Variants in VARS1 observed in about 807,000 individuals in gnomAD.
The protein encoded by VARS1 is valyl-tRNA synthetase 1.
Under a neutral mutation model 161.0 loss-of-function variants are expected in VARS1, and 92 were observed. The observed-to-expected ratio is 0.57, with a 90% CI of 0.48 to 0.68. VARS1 has a LOEUF of 0.68. Among genes scored for constraint, VARS1 ranks in the 30% least tolerant of loss-of-function variants. VARS1 has a pLI of 0.00. For missense variants in VARS1, 1,338 were observed against 1,695.9 expected, an observed-to-expected ratio of 0.79 and a Z score of 3.71; for synonymous variants, 595 against 682.5, an observed-to-expected ratio of 0.87 and a Z score of 2.00.
Position 31,795,047 on chromosome 6 carries a change from C to G in VARS1, c.171G>C (p.Leu57=). 6.5e-7 allele frequency: 1 copy of G among 1,548,068 alleles called. No individual in the cohort carries two copies. Among genetic ancestry groups the G allele is most frequent in the South Asian group, 1.2e-5 (1 of 86,898 alleles). Residue 57 remains leucine (L), a synonymous_variant, in exon 2 of 30, where the codon CTG becomes CTC. Transcript: ENST00000375663. The surrounding 1 kb of genome is among the most constrained non-coding windows in gnomAD (Gnocchi z 6.9). The part of the protein sequence containing the change: ...TSRTPFPPPR[L]PALEQGPGGL... ...CACCGGGCCCCTGCTCCAGGGCCGG[C>G]AGGCGGGGTGGGGGAAAGGGAGTCC...
At position 31,780,861 on chromosome 6, in the gene VARS1, C is replaced by A. The variant is rs768326728; in HGVS notation, c.2718+9G>T. ...GTGCTCCTGCTTAGCCCAGCCCAAC[C>A]CTCCATACCTGCCCTTCTTTGGCCT... is the stretch of plus-strand genomic sequence containing the variant. On this transcript the variant is annotated intron_variant, in intron 23 of 29. Coordinates refer to ENST00000375663, the MANE Select transcript of VARS1 (RefSeq NM_006295.3). The surrounding 1 kb of genome is among the most constrained non-coding windows in gnomAD (Gnocchi z 5.1). The A allele has an allele frequency of 3.1e-6, 5 of 1,614,210 alleles. No homozygotes were observed. The highest frequency in any genetic ancestry group is 4.2e-6 in the Non-Finnish European group (5 of 1,180,028).
Position 31,792,405 on chromosome 6 carries a change from G to A in VARS1, c.773C>T (p.Pro258Leu), listed in dbSNP as rs1224589982. 1.2e-6 allele frequency: 2 copies of A among 1,613,806 alleles called. No homozygotes were observed. The highest frequency in any genetic ancestry group is 8.5e-7 in the Non-Finnish European group (1 of 1,180,000). ...QQKQKIQQQQPPPGEKKPKPE... is the reference protein window; with the variant it reads ...QQKQKIQQQQLPPGEKKPKPE... ...CCCTCGCCTCACCTCCCCTGGAGGT[G>A]GCTGCTGCTGTTGGATCTTCTGCTT... The change falls in exon 5 of 30, where the codon CCA (proline) becomes CTA (leucine). Residue 258 changes from proline (P) to leucine (L), a missense_variant. Coordinates refer to ENST00000375663, the MANE Select transcript of VARS1 (RefSeq NM_006295.3).
chr6:31,791,533 C>T lies in VARS1; in HGVS notation c.1100+77G>A, dbSNP rs1813865833. 6.6e-7 allele frequency: 1 copy of T among 1,524,930 alleles called. No homozygotes were observed. The highest frequency in any genetic ancestry group is 1.3e-5 in the South Asian group (1 of 76,766). The allele number at this position is 1,524,930 out of a possible 1,614,324, so 94.5% of individuals were successfully genotyped here. A position where few individuals can be genotyped will look rare whatever the true frequency, so the allele number is the denominator to read the frequency against. ...GAGCACCAACCCAGAAGGAGAGAGG[C>T]TCGGGGGGCTGTCAGGGAAAAGGAG... On this transcript the variant is annotated intron_variant, in intron 8 of 29. Transcript: ENST00000375663. The surrounding 1 kb of genome is among the most constrained non-coding windows in gnomAD (Gnocchi z 5.0).
intron 8 of VARS1, among the ~76,000 whole-genome samples, chr6:31,786,692 A>G (rs1010477113): frequency 6.9e-4 from 97 of 141,258 alleles, no homozygotes; most frequent in African/African-American, 2.1e-3. Flanking sequence ...AAAAAAAAAA[A>G]GAACGAAGAG....
At chr6:31,794,320 A>G (rs1201189049) in intron 2 of VARS1, among the ~76,000 whole-genome samples, 1 of 152,142 alleles carries the variant, frequency 6.6e-6, no homozygotes, top group Admixed American at 6.6e-5. Flanking sequence ...AATACCATGC[A>G]AGGAGGCAGA....
In VARS1 at chr6:31,779,842, G is replaced by A. The variant is rs750156087; in HGVS notation, c.3082-28C>T. On this transcript the variant is annotated intron_variant, in intron 26 of 29. Coordinates refer to ENST00000375663, the MANE Select transcript of VARS1 (RefSeq NM_006295.3). The surrounding 1 kb of genome is among the most constrained non-coding windows in gnomAD (Gnocchi z 9.1). Reference sequence around the variant, plus strand: ...AGGGGACGAGAGGTACAGGGCTCACGGCTGGAGGTCTAGCCTTGAGCCCTC... The same window carrying A: ...AGGGGACGAGAGGTACAGGGCTCACAGCTGGAGGTCTAGCCTTGAGCCCTC... 7.4e-6 allele frequency: 12 copies of A among 1,611,448 alleles called. No individual in the cohort carries two copies. Among genetic ancestry groups the A allele is most frequent in the East Asian group, 4.5e-5 (2 of 44,856 alleles).
Position 31,792,431 on chromosome 6 carries a change from C to T in VARS1, c.747G>A (p.Gln249=). Residue 249 remains glutamine (Q), a synonymous_variant, in exon 5 of 30, where the codon CAG becomes CAA. Transcript: ENST00000375663. ...GCTGCTGCTGTTGGATCTTCTGCTT[C>T]TGTTGGAATTTCTCTAGCTTCTCCC... ...KKREKLEKFQ[Q]KQKIQQQQPP... 1 of 1,614,010 alleles carries T rather than the reference C, an allele frequency of 6.2e-7. No individual in the cohort carries two copies. Among genetic ancestry groups the T allele is most frequent in the Non-Finnish European group, 8.5e-7 (1 of 1,180,004 alleles).
In VARS1 at chr6:31,782,995, T is replaced by C. The variant is rs2151422252; in HGVS notation, c.1762+101A>G. ...CTTGAGAACCACCCCAAGCTCTGTC[T>C]ATTTGGCTGAAGCTTATTTTCTTTT... On this transcript the variant is annotated intron_variant, in intron 14 of 29. Transcript: ENST00000375663. This position sits in a 1 kb window ranked among gnomAD's most constrained non-coding sequence, Gnocchi z 8.3. 3.9e-6 allele frequency: 6 copies of C among 1,540,678 alleles called. No individual in the cohort carries two copies. The highest frequency in any genetic ancestry group is 2.3e-5 in the East Asian group (1 of 43,226).
chr6:31,789,315 A>G (rs1278439833), intron 8 of VARS1, among the ~76,000 whole-genome samples: 1 of 152,236 alleles, frequency 6.6e-6, no homozygotes, highest in African/African-American at 2.4e-5. Flanking sequence ...AGATAGATAC[A>G]GACAATTCAC....
Position 31,782,119 on chromosome 6 carries a change from T to C in VARS1, c.2209A>G (p.Thr737Ala), listed in dbSNP as rs753982792. Reference protein sequence around the residue: ...WGHRIPAYFVTVSDPAVPPGE... With the variant: ...WGHRIPAYFVAVSDPAVPPGE... ...GGGGGCACCGCTGGGTCACTGACAGTGACAAAGTAGGCTGGGATGCGATGG... is the reference window on the plus strand; with the variant it reads ...GGGGGCACCGCTGGGTCACTGACAGCGACAAAGTAGGCTGGGATGCGATGG... Residue 737 changes from threonine (T) to alanine (A), a missense_variant, in exon 18 of 30, where the codon ACT (threonine) becomes GCT (alanine). Transcript: ENST00000375663. This position sits in a 1 kb window ranked among gnomAD's most constrained non-coding sequence, Gnocchi z 8.3. 12 of 1,613,768 alleles carry C rather than the reference T, an allele frequency of 7.4e-6. No individual in the cohort carries two copies. In the East Asian group the frequency reaches 2.5e-4, roughly 33 times the overall value.
At position 31,777,917 on chromosome 6, in the gene VARS1, C is replaced by T. The variant is rs181005754; in HGVS notation, c.3727-255G>A. 136 of 584,208 alleles carry T rather than the reference C, an allele frequency of 2.3e-4. No individual in the cohort carries two copies. Among genetic ancestry groups the T allele is most frequent in the African/African-American group, 2.3e-3 (121 of 53,696 alleles). The allele number at this position is 584,208 out of a possible 1,614,324, so 36.2% of individuals were successfully genotyped here. On this transcript the variant is annotated intron_variant, in intron 29 of 29. Coordinates refer to ENST00000375663, the MANE Select transcript of VARS1 (RefSeq NM_006295.3). The surrounding 1 kb of genome is among the most constrained non-coding windows in gnomAD (Gnocchi z 5.8). ...AAAGGAACCTCAGAGCCTACGTGTT[C>T]CCCATTCAGTGTCCCCACCTAAGCA...
At position 31,778,892 on chromosome 6, in the gene VARS1, C is replaced by A. The variant is rs190737186; in HGVS notation, c.3726+75G>T. ...GATCAATTAGTTGTCAACACCACTGCACTCGGACCAGCCCAGACCAGGGTT... is the reference window on the plus strand; with the variant it reads ...GATCAATTAGTTGTCAACACCACTGAACTCGGACCAGCCCAGACCAGGGTT... On this transcript the variant is annotated intron_variant, in intron 29 of 29. Coordinates refer to ENST00000375663, the MANE Select transcript of VARS1 (RefSeq NM_006295.3). The surrounding 1 kb of genome is among the most constrained non-coding windows in gnomAD (Gnocchi z 5.1). 46 of 1,577,486 alleles carry A rather than the reference C, an allele frequency of 2.9e-5. No homozygotes were observed. In the Admixed American group the frequency reaches 5.5e-4, roughly 19 times the overall value.
Position 31,784,328 on chromosome 6 carries a change from T to C in VARS1, c.1577-20A>G. 1 of 1,614,114 alleles carries C rather than the reference T, an allele frequency of 6.2e-7. No individual in the cohort carries two copies. The highest frequency in any genetic ancestry group is 8.5e-7 in the Non-Finnish European group (1 of 1,180,028). On this transcript the variant is annotated intron_variant, in intron 12 of 29. Transcript: ENST00000375663. The surrounding 1 kb of genome is among the most constrained non-coding windows in gnomAD (Gnocchi z 6.1). ...CGCTATCTGGGGTGACAGAAGGCCT[T>C]GTGGTCTTGGCCTTGGCCCCTTCCT...
chr6:31,790,325 GGAGCAGTGGCTCAC>G (rs1204406432), intron 8 of VARS1, among the ~76,000 whole-genome samples: 2 of 151,866 alleles, frequency 1.3e-5, no homozygotes, highest in African/African-American at 4.8e-5. Flanking sequence ...CTCCAGGCCG[GGAGCAGTGGCTCAC>G]GCCTGTAATC....
At position 31,781,621 on chromosome 6, in the gene VARS1, G is replaced by A; in HGVS notation, c.2419-15C>T. The A allele has an allele frequency of 1.9e-6, 3 of 1,612,972 alleles. No individual in the cohort carries two copies. The highest frequency in any genetic ancestry group is 2.5e-6 in the Non-Finnish European group (3 of 1,179,986). On this transcript the variant is annotated splice_polypyrimidine_tract_variant and intron_variant, in intron 20 of 29. Transcript: ENST00000375663. This position sits in a 1 kb window ranked among gnomAD's most constrained non-coding sequence, Gnocchi z 6.8. ...AGGTCTTCTGACTGAGGGCAGACCA[G>A]GGTGTGAAGGGGAGCCAACACCCAC... is the stretch of plus-strand genomic sequence containing the variant.
chr6:31,794,903 C>G lies in VARS1; in HGVS notation c.315G>C (p.Thr105=). The G allele has an allele frequency of 6.2e-7, 1 of 1,612,954 alleles. No homozygotes were observed. Among genetic ancestry groups the G allele is most frequent in the Non-Finnish European group, 8.5e-7 (1 of 1,179,958 alleles). The part of the protein sequence containing the change: ...LVQQWVSYAD[T]ELIPAACGAT... ...CTCCACAGGCAGCTGGTATTAACTC[C>G]GTGTCGGCGTAACTGACCCACTGTT... is the stretch of plus-strand genomic sequence containing the variant. Residue 105 remains threonine, a synonymous_variant, in exon 2 of 30, where the codon ACG becomes ACC. Transcript: ENST00000375663.
intron 2 of VARS1, among the ~76,000 whole-genome samples, chr6:31,794,093 C>CAAAAAAAAAAA (rs33960246): frequency 4.2e-5 from 3 of 71,104 alleles, no homozygotes; most frequent in African/African-American, 4.7e-5. Flanking sequence ...GATTCTGTCT[C>CAAAAAAAAAAA]AAAAAAAAAA....
intron 4 of VARS1, 76 bp from the exon 5 acceptor site, chr6:31,792,592 G>A: frequency 6.2e-7 from 1 of 1,607,236 alleles, no homozygotes; most frequent in South Asian, 1.1e-5. Context: ...TTCAGATGGG[G>A]TATTTTAGAT....
At chr6:31,790,449 A>G (rs916761506) in intron 8 of VARS1, among the ~76,000 whole-genome samples, 3 of 152,000 alleles carry the variant, frequency 2.0e-5, no homozygotes, top group Non-Finnish European at 2.9e-5. Flanking sequence ...TAAAAATACA[A>G]AAATTAGCCA....
Sources: gnomAD v4.1 joint callset for allele counts (sites outside exome capture counted in the v4.1 genomes callset) on GRCh38, gnomAD v4.1.1 for gene constraint, Gnocchi (gnomAD v3.1) non-coding constraint, MANE v1.5 for transcripts, NCBI Gene and HGNC (gene_info 2026-07-23, HGNC 2026-07-21) for gene names.